The following RRAGD variants were observed in gnomAD, a reference collection of about 807,000 sequenced individuals.
RRAGD encodes ras-related GTP-binding protein D.
A neutral mutation model predicts 35.5 loss-of-function variants in RRAGD; 12 were observed. That is an observed-to-expected ratio of 0.34 (90% CI 0.22 to 0.55). The LOEUF (loss-of-function observed/expected upper bound fraction) is 0.55, where lower values mean the gene tolerates loss of function less well. Among genes scored for constraint, RRAGD ranks in the 20% least tolerant of loss-of-function variants. The probability of loss-of-function intolerance (pLI) is 0.91; values close to 1 mark genes in which losing one functional copy is unlikely to be tolerated. For missense variants in RRAGD, 324 were observed against 490.1 expected, an observed-to-expected ratio of 0.66 and a Z score of 3.20; for synonymous variants, 155 against 178.9, an observed-to-expected ratio of 0.87 and a Z score of 1.07.
At position 89,374,495 on chromosome 6, in the gene RRAGD, G is replaced by T. The variant is rs576266322; in HGVS notation, c.903-1910C>A. Reference sequence around the variant, plus strand: ...CAGGCCTATAATCCCAGCACTTTGGGAGGCCGAGGTGGATCGCCTGAGGTT... The same window carrying T: ...CAGGCCTATAATCCCAGCACTTTGGTAGGCCGAGGTGGATCGCCTGAGGTT... On this transcript the variant is annotated intron_variant, in intron 5 of 6. Coordinates refer to ENST00000369415, the MANE Select transcript of RRAGD (RefSeq NM_021244.5). Among the ~76,000 whole-genome samples the T allele has an allele frequency of 3.6e-3, 541 of 152,288 alleles. 1 individual carries two copies. Among genetic ancestry groups the T allele is most frequent in the Admixed American group, 7.2e-3 (110 of 15,288 alleles).
chr6:89,397,693 C>A (rs756262690), intron 1 of RRAGD, among the ~76,000 whole-genome samples: 15 of 152,030 alleles, frequency 9.9e-5, no homozygotes, highest in Non-Finnish European at 2.1e-4. Flanking sequence ...TGATGCATCT[C>A]AGCAATAAAA....
chr6:89,392,758 G>A (rs1043410095), intron 1 of RRAGD, among the ~76,000 whole-genome samples: 7 of 152,118 alleles, frequency 4.6e-5, no homozygotes, highest in African/African-American at 1.4e-4. Flanking sequence ...TGCAATAGGT[G>A]TAGGCAAACA....
At chr6:89,371,675 T>C (rs1340102815) in intron 6 of RRAGD, among the ~76,000 whole-genome samples, 1 of 152,212 alleles carries the variant, frequency 6.6e-6, no homozygotes, top group Non-Finnish European at 1.5e-5. Flanking sequence ...CTATAACATA[T>C]TCAGGATATG....
chr6:89,399,039 A>G (rs1769396993), intron 1 of RRAGD, among the ~76,000 whole-genome samples: 1 of 152,244 alleles, frequency 6.6e-6, no homozygotes, highest in African/African-American at 2.4e-5. Context: ...ATTATGTACA[A>G]GTGCAAAAAT....
chr6:89,410,479 C>A (rs1196510869), intron 1 of RRAGD, among the ~76,000 whole-genome samples: 1 of 152,204 alleles, frequency 6.6e-6, no homozygotes, highest in African/African-American at 2.4e-5. Flanking sequence ...AATAAAACGG[C>A]TGAAAGCCTT....
chr6:89,372,638 T>A (rs1768873527), intron 5 of RRAGD, 53 bp from the exon 6 acceptor site: 1 of 1,488,078 alleles, frequency 6.7e-7, no homozygotes, highest in African/African-American at 1.4e-5. Context: ...AACTAGAAAC[T>A]GTAAGCCAGT....
chr6:89,385,410 G>A (rs1212699576), intron 2 of RRAGD, among the ~76,000 whole-genome samples: 1 of 152,122 alleles, frequency 6.6e-6, no homozygotes, highest in African/African-American at 2.4e-5. Context: ...GAGAAAAATG[G>A]AGCTTAGAAG....
At chr6:89,388,095 TG>T (rs1232274544) in intron 1 of RRAGD, among the ~76,000 whole-genome samples, 1 of 152,108 alleles carries the variant, frequency 6.6e-6, no homozygotes, top group African/African-American at 2.4e-5. Flanking sequence ...GCCTGGAAAA[TG>T]GGCCTTGGAC....
intron 1 of RRAGD, among the ~76,000 whole-genome samples, chr6:89,390,112 G>A (rs897048539): frequency 2.0e-5 from 3 of 152,098 alleles, no homozygotes; most frequent in Non-Finnish European, 2.9e-5. Flanking sequence ...GGCAACATAG[G>A]TGTAAATCTT....
At position 89,366,354 on chromosome 6, in the gene RRAGD, C is replaced by T. The variant is rs1026412138; in HGVS notation, c.*1702G>A. ...ACCATCTTGGGCAACACAGTGAGAT[C>T]CTGTCTCTACAAAAACAAAATTTAA... is the stretch of plus-strand genomic sequence containing the variant. On this transcript the variant is annotated 3_prime_UTR_variant, in exon 7 of 7. Transcript: ENST00000369415. 6.6e-6 allele frequency: 1 copy of T among 152,150 alleles called. No homozygotes were observed. Among genetic ancestry groups the T allele is most frequent in the East Asian group, 1.9e-4 (1 of 5,168 alleles). The allele number at this position is 152,150 out of a possible 1,614,324, so 9.4% of individuals were successfully genotyped here.
chr6:89,403,556 T>G (rs6922408), intron 1 of RRAGD, among the ~76,000 whole-genome samples: 18,153 of 151,746 alleles, frequency 0.12, 1,421 homozygotes, highest in East Asian at 0.27. Context: ...CAACAAAGTG[T>G]TCTTTATCTG....
At chr6:89,383,716 G>A (rs964928341) in intron 2 of RRAGD, among the ~76,000 whole-genome samples, 1 of 152,146 alleles carries the variant, frequency 6.6e-6, no homozygotes, top group African/African-American at 2.4e-5. Context: ...GACATTCTGT[G>A]AGGACACATT....
chr6:89,395,786 T>A (rs1042378377), intron 1 of RRAGD, among the ~76,000 whole-genome samples: 3 of 152,134 alleles, frequency 2.0e-5, no homozygotes, highest in African/African-American at 7.2e-5. Flanking sequence ...AGAAATCCAG[T>A]CCAAACTGTG....
intron 4 of RRAGD, among the ~76,000 whole-genome samples, chr6:89,378,295 T>C (rs1768981806): frequency 7.1e-6 from 1 of 141,288 alleles, no homozygotes; most frequent in African/African-American, 2.8e-5. Flanking sequence ...AGAGCAAAAC[T>C]CCGTCTCAAA....
At chr6:89,385,465 C>T (rs1168781119) in intron 2 of RRAGD, among the ~76,000 whole-genome samples, 2 of 152,150 alleles carry the variant, frequency 1.3e-5, no homozygotes, top group African/African-American at 4.8e-5. Flanking sequence ...TTCCCTACAG[C>T]AGTGTGCACA....
At chr6:89,377,490 T>A (rs768464757) in intron 5 of RRAGD, among the ~76,000 whole-genome samples, 181 bp downstream of exon 5, 11 of 152,218 alleles carry the variant, frequency 7.2e-5, no homozygotes, top group Non-Finnish European at 1.2e-4. Context: ...GAGATTAGCA[T>A]AATGCGTGGC....
intron 1 of RRAGD, among the ~76,000 whole-genome samples, chr6:89,390,208 T>A (rs954673012): frequency 2.0e-5 from 3 of 151,946 alleles, no homozygotes; most frequent in African/African-American, 7.3e-5. Context: ...CTGGACTTCA[T>A]CAAAAATTTT....
chr6:89,380,493 A>G, intron 2 of RRAGD, 126 bp from the exon 3 acceptor site: 3 of 707,888 alleles, frequency 4.2e-6, no homozygotes, highest in Non-Finnish European at 7.0e-6. Context: ...TCCCCTCAAC[A>G]AGCTGGCTTC....
intron 1 of RRAGD, among the ~76,000 whole-genome samples, chr6:89,387,970 G>A (rs1769164323): frequency 6.6e-6 from 1 of 152,198 alleles, no homozygotes; most frequent in East Asian, 1.9e-4. Context: ...CCAGGTCTGA[G>A]CATTCAGGAG....
Sources: allele counts gnomAD v4.1 joint callset (sites outside exome capture counted in the v4.1 genomes callset), GRCh38; gene constraint gnomAD v4.1.1; transcripts MANE v1.5; gene names NCBI Gene and HGNC (gene_info 2026-07-23, HGNC 2026-07-21).